CTNND2: variants seen among roughly 807,000 people sequenced by gnomAD.
The protein encoded by CTNND2 is catenin delta-2.
In CTNND2, 22 loss-of-function variants were observed where a neutral mutation model predicts 144.4. The ratio of observed to expected loss-of-function variants is 0.15; its 90% confidence interval spans 0.11 to 0.22. CTNND2 has a LOEUF of 0.22. CTNND2 is among the 10% of genes least tolerant of loss of function. The probability of loss-of-function intolerance (pLI) is 1.00; values close to 1 mark genes in which losing one functional copy is unlikely to be tolerated. For synonymous variants in CTNND2, 751 were observed against 695.6 expected, an observed-to-expected ratio of 1.08 and a Z score of -1.25; for missense variants, 1,353 against 1,618.8, an observed-to-expected ratio of 0.84 and a Z score of 2.82.
At chr5:11,408,871 A>G (rs1249221014) in intron 5 of CTNND2, among the ~76,000 whole-genome samples, 1 of 152,018 alleles carries the variant, frequency 6.6e-6, no homozygotes, top group Non-Finnish European at 1.5e-5. Flanking sequence ...AAAAAATATC[A>G]TCTATTTATC....
At chr5:11,591,134 A>G (rs1779218067) in intron 2 of CTNND2, among the ~76,000 whole-genome samples, 1 of 152,210 alleles carries the variant, frequency 6.6e-6, no homozygotes, top group Non-Finnish European at 1.5e-5. Context: ...TAACCCTCAG[A>G]GGCATTTTTC....
intron 3 of CTNND2, among the ~76,000 whole-genome samples, chr5:11,490,579 G>C (rs997409514): frequency 6.6e-6 from 1 of 152,052 alleles, no homozygotes; most frequent in Non-Finnish European, 1.5e-5. Flanking sequence ...GACTACAAAT[G>C]TTGGCCTTAA....
At chr5:11,761,650 T>C (rs909414876) in intron 1 of CTNND2, among the ~76,000 whole-genome samples, 14 of 152,214 alleles carry the variant, frequency 9.2e-5, no homozygotes, top group Non-Finnish European at 1.6e-4. Context: ...TTATTAGAGT[T>C]GCTACCTACT....
intron 20 of CTNND2, among the ~76,000 whole-genome samples, 179 bp from the exon 21 acceptor site, chr5:10,982,025 A>G (rs1737349429): frequency 6.6e-6 from 1 of 152,232 alleles, no homozygotes; most frequent in Non-Finnish European, 1.5e-5. Context: ...AAAAAGGAGA[A>G]CAGTTATTCT....
chr5:11,676,403 G>A (rs1291386066), intron 2 of CTNND2, among the ~76,000 whole-genome samples: 1 of 151,980 alleles, frequency 6.6e-6, no homozygotes, highest in South Asian at 2.1e-4. Flanking sequence ...AGGGTTTTTA[G>A]CACCCAATTT....
chr5:11,889,789 A>T (rs1253009802), intron 1 of CTNND2, among the ~76,000 whole-genome samples: 1 of 152,212 alleles, frequency 6.6e-6, no homozygotes, highest in South Asian at 2.1e-4. Context: ...ATTTTATTAC[A>T]TTGCAACTTT....
chr5:11,690,587 T>C lies in CTNND2; in HGVS notation c.174+41549A>G, dbSNP rs184491530. ...TCTCTACTAAAAATACAAAAAAAAA[T>C]TAGCCGGGCGCGGTGGCGGGCGCCT... On this transcript the variant is annotated intron_variant, in intron 2 of 21. Transcript: ENST00000304623. Among the ~76,000 whole-genome samples the C allele has an allele frequency of 8.1e-3, 1,223 of 150,738 alleles. 4 individuals carry two copies. Among genetic ancestry groups the C allele is most frequent in the Non-Finnish European group, 0.014 (920 of 67,600 alleles).
intron 2 of CTNND2, among the ~76,000 whole-genome samples, chr5:11,629,673 T>C (rs1428516): frequency 0.37 from 56,556 of 151,984 alleles, 11,491 homozygotes; most frequent in Middle Eastern, 0.63. Flanking sequence ...TTTCTTATTT[T>C]ATTTTATGTT....
chr5:11,270,166 T>G (rs1745849365), intron 9 of CTNND2, among the ~76,000 whole-genome samples: 1 of 152,134 alleles, frequency 6.6e-6, no homozygotes, highest in Non-Finnish European at 1.5e-5. Flanking sequence ...TTCCCCAAAG[T>G]GGGGCTGTTT....
At chr5:11,099,454 G>A (rs1751664741) in intron 14 of CTNND2, among the ~76,000 whole-genome samples, 1 of 152,062 alleles carries the variant, frequency 6.6e-6, no homozygotes, top group Non-Finnish European at 1.5e-5. Flanking sequence ...CACGCACAAA[G>A]GAATACCAGT....
At chr5:11,077,306 G>A (rs548120245) in intron 16 of CTNND2, among the ~76,000 whole-genome samples, 3 of 152,124 alleles carry the variant, frequency 2.0e-5, no homozygotes, top group Non-Finnish European at 2.9e-5. Flanking sequence ...GGTAATTGGG[G>A]CTGTGGAGAA....
In CTNND2 at chr5:11,761,120, C is replaced by T. The variant is rs1029478453; in HGVS notation, c.38-28848G>A. On this transcript the variant is annotated intron_variant, in intron 1 of 21. Transcript: ENST00000304623. ...AAAGACGATACCGAGTGTTGAAGGGCTCTTTTGTTTCGCCTGGAATCTGCC... is the reference window on the plus strand; with the variant it reads ...AAAGACGATACCGAGTGTTGAAGGGTTCTTTTGTTTCGCCTGGAATCTGCC... 2.0e-5 allele frequency among the ~76,000 whole-genome samples: 3 copies of T among 152,238 alleles called. No homozygotes were observed. In the East Asian group the frequency reaches 5.8e-4, roughly 29 times the overall value.
chr5:11,374,752 C>G (rs1199143878), intron 7 of CTNND2, among the ~76,000 whole-genome samples: 1 of 147,036 alleles, frequency 6.8e-6, no homozygotes, highest in Non-Finnish European at 1.5e-5. Context: ...GGAAATAATC[C>G]AGAACAAGGT....
At position 11,332,603 on chromosome 5, in the gene CTNND2, C is replaced by T. The variant is rs543310315; in HGVS notation, c.1628+13769G>A. ...ACCATCTCCAAAACTTCTTCATCAT[C>T]CAAATTGAAATTCTATACCCATTAC... On this transcript the variant is annotated intron_variant, in intron 9 of 21. Transcript: ENST00000304623. 1.5e-3 allele frequency among the ~76,000 whole-genome samples: 230 copies of T among 152,302 alleles called. 1 individual carries two copies. Among genetic ancestry groups the T allele is most frequent in the African/African-American group, 4.4e-3 (182 of 41,578 alleles).
At chr5:11,071,006 G>A (rs1471648421) in intron 16 of CTNND2, among the ~76,000 whole-genome samples, 1 of 150,194 alleles carries the variant, frequency 6.7e-6, no homozygotes, top group East Asian at 2.0e-4. Flanking sequence ...GAGGGGGAGA[G>A]GACAAAAAGG....
At chr5:11,243,776 G>A (rs12186644) in intron 9 of CTNND2, among the ~76,000 whole-genome samples, 13,167 of 152,144 alleles carry the variant, frequency 0.087, 763 homozygotes, top group South Asian at 0.15. Flanking sequence ...CTGCTGGTAC[G>A]GAAACCAAAA....
At chr5:11,061,146 T>TA (rs1343769608) in intron 16 of CTNND2, among the ~76,000 whole-genome samples, 1 of 152,158 alleles carries the variant, frequency 6.6e-6, no homozygotes, top group Non-Finnish European at 1.5e-5. Context: ...TTTTGCCACT[T>TA]ACGGCATTTT....
At chr5:11,132,171 T>C (rs1728622870) in intron 12 of CTNND2, among the ~76,000 whole-genome samples, 1 of 152,192 alleles carries the variant, frequency 6.6e-6, no homozygotes, top group South Asian at 2.1e-4. Flanking sequence ...GTCACCCCAG[T>C]ATTTCTGTAA....
At chr5:11,239,532 T>A (rs937547529) in intron 9 of CTNND2, among the ~76,000 whole-genome samples, 13 of 152,208 alleles carry the variant, frequency 8.5e-5, no homozygotes, top group African/African-American at 3.1e-4. Flanking sequence ...TCTTCCCACC[T>A]GAGGCATTTA....
Sources: gnomAD v4.1 joint callset for allele counts (sites outside exome capture counted in the v4.1 genomes callset) on GRCh38, gnomAD v4.1.1 for gene constraint, MANE v1.5 for transcripts, NCBI Gene and HGNC (gene_info 2026-07-23, HGNC 2026-07-21) for gene names.